KCNN3: variants seen among roughly 807,000 people sequenced by gnomAD.
KCNN3 encodes the protein potassium calcium-activated channel subfamily N member 3, also known as small conductance calcium-activated potassium channel protein 3.
In KCNN3, 16 loss-of-function variants were observed where a neutral mutation model predicts 62.9. That is an observed-to-expected ratio of 0.25 (90% CI 0.17 to 0.39). The LOEUF (loss-of-function observed/expected upper bound fraction) is 0.39, where lower values mean the gene tolerates loss of function less well. Among genes scored for constraint, KCNN3 ranks in the 10% least tolerant of loss-of-function variants. KCNN3 has a pLI of 1.00. For synonymous variants in KCNN3, 370 were observed against 389.2 expected (o/e 0.95, Z 0.58); for missense variants, 599 against 949.4 (o/e 0.63, Z 4.85).
At chr1:154,729,454 G>A (rs554581752) in intron 4 of KCNN3, among the ~76,000 whole-genome samples, 7 of 152,208 alleles carry the variant, frequency 4.6e-5, no homozygotes, top group Non-Finnish European at 8.8e-5. Flanking sequence ...CCTAACTCTA[G>A]AGATTCGGAC....
intron 1 of KCNN3, among the ~76,000 whole-genome samples, chr1:154,838,460 T>C (rs1651692836): frequency 6.6e-6 from 1 of 152,146 alleles, no homozygotes; most frequent in South Asian, 2.1e-4. Flanking sequence ...ATCTGACCCC[T>C]GCCTGCCTCT....
chr1:154,855,503 A>G (rs563383913), intron 1 of KCNN3, among the ~76,000 whole-genome samples: 34 of 152,166 alleles, frequency 2.2e-4, no homozygotes, highest in Non-Finnish European at 4.1e-4. Flanking sequence ...TACCTTTTCT[A>G]TGTTTAGATA....
intron 2 of KCNN3, among the ~76,000 whole-genome samples, chr1:154,799,367 T>A (rs941662439): frequency 6.6e-6 from 1 of 152,196 alleles, no homozygotes; most frequent in African/African-American, 2.4e-5. Flanking sequence ...ACTGTCGGAT[T>A]AGGTCAAGGG....
At chr1:154,743,271 C>A (rs1232394514) in intron 3 of KCNN3, among the ~76,000 whole-genome samples, 1 of 152,202 alleles carries the variant, frequency 6.6e-6, no homozygotes, top group African/African-American at 2.4e-5. Flanking sequence ...TGGACCACTG[C>A]AGTAGTTGCC....
intron 1 of KCNN3, among the ~76,000 whole-genome samples, chr1:154,849,848 C>T (rs529879496): frequency 6.6e-6 from 1 of 152,282 alleles, no homozygotes; most frequent in South Asian, 2.1e-4. Context: ...GGGGGCATCC[C>T]TGGCCTCTCC....
intron 3 of KCNN3, among the ~76,000 whole-genome samples, chr1:154,764,933 G>C (rs536076252): frequency 6.6e-6 from 1 of 152,274 alleles, no homozygotes; most frequent in Non-Finnish European, 1.5e-5. Context: ...TAAACTCCAA[G>C]AATGACTTTT....
chr1:154,742,232 C>G (rs1285980712), intron 3 of KCNN3, among the ~76,000 whole-genome samples: 1 of 152,208 alleles, frequency 6.6e-6, no homozygotes, highest in Non-Finnish European at 1.5e-5. Flanking sequence ...CAAATCCCAT[C>G]CTGACCCACC....
chr1:154,798,396 T>C (rs1315578959), intron 2 of KCNN3, among the ~76,000 whole-genome samples: 1 of 152,234 alleles, frequency 6.6e-6, no homozygotes, highest in Non-Finnish European at 1.5e-5. Context: ...GTTATACCCA[T>C]GAAGGCAGCA....
At chr1:154,867,954 TC>T in intron 1 of KCNN3, 1 of 984,890 alleles carries the variant, frequency 1.0e-6, no homozygotes. Flanking sequence ...CCCACCTTCC[TC>T]CATCTCCACT....
At chr1:154,853,230 C>A (rs763423716) in intron 1 of KCNN3, among the ~76,000 whole-genome samples, 1 of 152,158 alleles carries the variant, frequency 6.6e-6, no homozygotes, top group Non-Finnish European at 1.5e-5. Flanking sequence ...TTCAAGCAAG[C>A]CTCTTGCCTT....
At chr1:154,847,056 T>G (rs553584166) in intron 1 of KCNN3, among the ~76,000 whole-genome samples, 17 of 150,064 alleles carry the variant, frequency 1.1e-4, no homozygotes, top group African/African-American at 4.2e-4. Flanking sequence ...CCCTGAGCCC[T>G]GGGCTCCTCC....
intron 7 of KCNN3, among the ~76,000 whole-genome samples, chr1:154,711,260 G>A (rs1022542363): frequency 3.4e-5 from 5 of 145,170 alleles, no homozygotes; most frequent in Admixed American, 2.1e-4. Flanking sequence ...ACCAAACACC[G>A]CATGTTCTCA....
chr1:154,740,287 T>G (rs1700800721), intron 3 of KCNN3, among the ~76,000 whole-genome samples: 1 of 152,218 alleles, frequency 6.6e-6, no homozygotes, highest in Admixed American at 6.5e-5. Flanking sequence ...TGACTTATTG[T>G]TATTGTATTT....
Position 154,707,906 on chromosome 1 carries a change from A to G in KCNN3, c.*70T>C, listed in dbSNP as rs1028057397. The G allele has an allele frequency of 1.1e-5, 17 of 1,504,556 alleles. No homozygotes were observed. The highest frequency in any genetic ancestry group is 1.5e-5 in the Non-Finnish European group (17 of 1,107,688). The allele number at this position is 1,504,556 out of a possible 1,614,324, so 93.2% of individuals were successfully genotyped here. A position where few individuals can be genotyped will look rare whatever the true frequency, so the allele number is the denominator to read the frequency against. Reference sequence around the variant, plus strand: ...CTGGTCTGAATGTTTCTTGATGGCAAAGCGACCAGGAGAGAGTTGATTTGC... The same window carrying G: ...CTGGTCTGAATGTTTCTTGATGGCAGAGCGACCAGGAGAGAGTTGATTTGC... On this transcript the variant is annotated 3_prime_UTR_variant, in exon 8 of 8. Transcript: ENST00000271915.
At chr1:154,750,036 C>T (rs1214366364) in intron 3 of KCNN3, among the ~76,000 whole-genome samples, 1 of 152,210 alleles carries the variant, frequency 6.6e-6, no homozygotes, top group African/African-American at 2.4e-5. Flanking sequence ...TTCTCAGGGG[C>T]TGGTCCGGCC....
At chr1:154,778,822 G>A (rs1417056294) in intron 2 of KCNN3, among the ~76,000 whole-genome samples, 4 of 151,760 alleles carry the variant, frequency 2.6e-5, no homozygotes, top group African/African-American at 4.8e-5. Flanking sequence ...GGCTGGTCTC[G>A]AACTCCTGAC....
chr1:154,763,527 C>T (rs981655517), intron 3 of KCNN3, among the ~76,000 whole-genome samples: 1 of 152,140 alleles, frequency 6.6e-6, no homozygotes, highest in African/African-American at 2.4e-5. Context: ...TCAGTGCACA[C>T]CATTGTGCCT....
At chr1:154,820,890 CT>C (rs1330472271) in intron 2 of KCNN3, among the ~76,000 whole-genome samples, 1 of 152,248 alleles carries the variant, frequency 6.6e-6, no homozygotes, top group African/African-American at 2.4e-5. Flanking sequence ...ACAGTGGCCC[CT>C]GACCTTCAGA....
chr1:154,719,040 T>C (rs1362432476), intron 5 of KCNN3, among the ~76,000 whole-genome samples: 3 of 152,148 alleles, frequency 2.0e-5, no homozygotes, highest in Non-Finnish European at 4.4e-5. Flanking sequence ...CCAGGTAACC[T>C]GCTACTTGCT....
Sources: gnomAD v4.1 joint callset for allele counts (sites outside exome capture counted in the v4.1 genomes callset) on GRCh38, gnomAD v4.1.1 for gene constraint, MANE v1.5 for transcripts, NCBI Gene and HGNC (gene_info 2026-07-23, HGNC 2026-07-21) for gene names.